Variants in HEMK2 observed in about 807,000 individuals in gnomAD.
HEMK2 encodes methyltransferase HEMK2.
chr21:28,734,430 T>A, the HEMK2 span, among the ~76,000 whole-genome samples: 2 of 152,240 alleles, frequency 1.3e-5, no homozygotes. Context: ...ATTTTATTTA[T>A]AATTTGCAAT....
chr21:28,637,665 C>CG, the HEMK2 span, among the ~76,000 whole-genome samples: 1 of 152,034 alleles, frequency 6.6e-6, no homozygotes, highest in East Asian at 1.9e-4. Context: ...GGTTTCTATG[C>CG]GGGGGTAGGA....
the HEMK2 span, among the ~76,000 whole-genome samples, chr21:28,611,268 C>T: frequency 3.3e-5 from 5 of 152,054 alleles, no homozygotes; most frequent in East Asian, 1.9e-4. Context: ...AATGCAAATA[C>T]GTGGAAATTA....
the HEMK2 span, among the ~76,000 whole-genome samples, chr21:28,840,016 G>A: frequency 1.3e-5 from 2 of 152,060 alleles, no homozygotes; most frequent in Non-Finnish European, 2.9e-5. Context: ...CACAAAAATA[G>A]GCACAAAGAC....
At chr21:28,609,579 A>C in the HEMK2 span, among the ~76,000 whole-genome samples, 1 of 151,402 alleles carries the variant, frequency 6.6e-6, no homozygotes, top group Non-Finnish European at 1.5e-5. Context: ...AAAAAAAAAA[A>C]AAAACAACAG....
At chr21:28,720,749 A>G in the HEMK2 span, among the ~76,000 whole-genome samples, 1 of 152,008 alleles carries the variant, frequency 6.6e-6, no homozygotes, top group Non-Finnish European at 1.5e-5. Flanking sequence ...ATACATATAT[A>G]AGGGCCTGGA....
At chr21:28,845,065 A>G in the HEMK2 span, among the ~76,000 whole-genome samples, 1 of 152,036 alleles carries the variant, frequency 6.6e-6, no homozygotes, top group Non-Finnish European at 1.5e-5. Context: ...AATTTTCTAG[A>G]TCTTCTTGCA....
the HEMK2 span, among the ~76,000 whole-genome samples, chr21:28,787,620 C>A: frequency 6.6e-6 from 1 of 152,174 alleles, no homozygotes; most frequent in Admixed American, 6.5e-5. Flanking sequence ...CTCAACGTTA[C>A]TAATGATCAT....
At chr21:28,799,892 T>G in the HEMK2 span, among the ~76,000 whole-genome samples, 1 of 152,202 alleles carries the variant, frequency 6.6e-6, no homozygotes, top group Non-Finnish European at 1.5e-5. Context: ...ATGGTTTTGT[T>G]TTTTGTGTAG....
chr21:28,575,784 A>G, the HEMK2 span, among the ~76,000 whole-genome samples: 445 of 152,166 alleles, frequency 2.9e-3, 2 homozygotes, highest in African/African-American at 0.01. Context: ...CTCACTCCAT[A>G]CTGCCTCAAA....
the HEMK2 span, chr21:28,626,493 A>G: frequency 5.9e-5 from 9 of 152,300 alleles, no homozygotes; most frequent in South Asian, 1.5e-3. Context: ...AAAAGAGCCT[A>G]TATTACAATA....
At chr21:28,689,579 G>C in the HEMK2 span, among the ~76,000 whole-genome samples, 1 of 152,052 alleles carries the variant, frequency 6.6e-6, no homozygotes, top group South Asian at 2.1e-4. Context: ...GGTATAAGGC[G>C]ATCACACCTT....
chr21:28,763,239 A>T, the HEMK2 span, among the ~76,000 whole-genome samples: 1 of 152,166 alleles, frequency 6.6e-6, no homozygotes, highest in Non-Finnish European at 1.5e-5. Context: ...GTAATTTATA[A>T]AGAAAAGAGG....
the HEMK2 span, among the ~76,000 whole-genome samples, chr21:28,832,125 A>C: frequency 6.6e-5 from 10 of 152,242 alleles, no homozygotes; most frequent in Admixed American, 6.5e-4. Context: ...AACAGAGCAG[A>C]GCCCAGACAC....
chr21:28,863,985 G>A, the HEMK2 span, among the ~76,000 whole-genome samples: 2 of 152,108 alleles, frequency 1.3e-5, no homozygotes, highest in Middle Eastern at 3.4e-3. Context: ...GTACCACCAC[G>A]CCTGGCTAAT....
the HEMK2 span, among the ~76,000 whole-genome samples, chr21:28,682,432 GA>G: frequency 6.7e-6 from 1 of 149,862 alleles, no homozygotes; most frequent in Non-Finnish European, 1.5e-5. Flanking sequence ...GGAGAAATAG[GA>G]ACACTTTTAC....
At chr21:28,618,125 C>G in the HEMK2 span, among the ~76,000 whole-genome samples, 1 of 152,090 alleles carries the variant, frequency 6.6e-6, no homozygotes, top group Non-Finnish European at 1.5e-5. Context: ...ACAAGACAAA[C>G]AGAATCAAGA....
chr21:28,679,874 C>G, the HEMK2 span, among the ~76,000 whole-genome samples: 4 of 151,946 alleles, frequency 2.6e-5, no homozygotes, highest in Non-Finnish European at 5.9e-5. Flanking sequence ...CACAACATAC[C>G]AGAATCTCTG....
At chr21:28,662,742 C>T in the HEMK2 span, among the ~76,000 whole-genome samples, 2 of 149,272 alleles carry the variant, frequency 1.3e-5, no homozygotes, top group African/African-American at 2.6e-5. Flanking sequence ...TGAAGAAGGA[C>T]GTGCTTGCTA....
At chr21:28,862,137 C>A in the HEMK2 span, among the ~76,000 whole-genome samples, 1 of 152,132 alleles carries the variant, frequency 6.6e-6, no homozygotes, top group Non-Finnish European at 1.5e-5. Flanking sequence ...GAAGAGTTTG[C>A]ATAGAATACA....
Sources: gnomAD v4.1 joint callset for allele counts (sites outside exome capture counted in the v4.1 genomes callset) on GRCh38, gnomAD v4.1.1 for gene constraint, MANE v1.5 for transcripts, NCBI Gene and HGNC (gene_info 2026-07-23, HGNC 2026-07-21) for gene names.